The following LYPD6B variants were observed in gnomAD, a reference collection of about 807,000 sequenced individuals.
LYPD6B encodes ly6/PLAUR domain-containing protein 6B.
Under a neutral mutation model 22.8 loss-of-function variants are expected in LYPD6B, and 17 were observed. That is an observed-to-expected ratio of 0.75 (90% confidence interval 0.51 to 1.12). The LOEUF is 1.12. Among genes scored for constraint, LYPD6B ranks in the 50% most tolerant of loss-of-function variants. The pLI, the probability that LYPD6B is intolerant of heterozygous loss-of-function variation, is 0.00. For synonymous variants in LYPD6B, 106 were observed against 91.6 expected (o/e 1.16, Z -0.90); for missense variants, 221 against 258.3 (o/e 0.86, Z 0.99).
chr2:149,055,805 G>T (rs115158091), intron 1 of LYPD6B, among the ~76,000 whole-genome samples: 2,249 of 152,286 alleles, frequency 0.015, 49 homozygotes, highest in African/African-American at 0.052. Flanking sequence ...ACAAGATCAT[G>T]TCATCTCCAA....
At chr2:149,202,654 G>T (rs1693242727) in intron 3 of LYPD6B, among the ~76,000 whole-genome samples, 1 of 152,150 alleles carries the variant, frequency 6.6e-6, no homozygotes, top group Admixed American at 6.5e-5. Flanking sequence ...TTGCATTAGA[G>T]TCAAGACCTT....
intron 3 of LYPD6B, among the ~76,000 whole-genome samples, chr2:149,185,659 G>A (rs559718069): frequency 7.9e-5 from 12 of 152,238 alleles, no homozygotes; most frequent in Admixed American, 2.6e-4. Flanking sequence ...TTGTTTTATT[G>A]CATTTGGCTT....
intron 1 of LYPD6B, among the ~76,000 whole-genome samples, chr2:149,040,065 CTG>C (rs1179155364): frequency 1.3e-5 from 2 of 152,086 alleles, no homozygotes; most frequent in African/African-American, 2.4e-5. Flanking sequence ...GTTTTTCTCT[CTG>C]TGTTTACTGG....
chr2:149,074,066 G>A (rs959668518), intron 1 of LYPD6B, among the ~76,000 whole-genome samples: 3 of 152,148 alleles, frequency 2.0e-5, no homozygotes, highest in South Asian at 4.1e-4. Context: ...CAAATGCAAC[G>A]AGTGCTTTCA....
chr2:149,116,539 T>C (rs2105565013), intron 1 of LYPD6B, among the ~76,000 whole-genome samples: 1 of 152,360 alleles, frequency 6.6e-6, no homozygotes, highest in South Asian at 2.1e-4. Context: ...TGCCATTTTC[T>C]GACACCTATT....
Position 149,215,035 on chromosome 2 carries a change from C to T in LYPD6B, c.*325C>T, listed in dbSNP as rs115029530. On this transcript the variant is annotated 3_prime_UTR_variant, in exon 7 of 7. Transcript: ENST00000409642. The stretch of plus-strand genomic sequence containing the variant: ...CCTTTAGCTGAAAGGATTTCTTGAC[C>T]TCCTTGACTGCCTCAGAGGCTGCCA... 1,307 of 295,194 alleles carry T rather than the reference C, an allele frequency of 4.4e-3. 8 individuals carry two copies. The highest frequency in any genetic ancestry group is 6.6e-3 in the Non-Finnish European group (1,024 of 155,634). The allele number at this position is 295,194 out of a possible 1,614,324, so 18.3% of individuals were successfully genotyped here.
intron 1 of LYPD6B, among the ~76,000 whole-genome samples, chr2:149,110,673 A>G (rs986939322): frequency 1.3e-5 from 2 of 152,214 alleles, no homozygotes; most frequent in Non-Finnish European, 2.9e-5. Flanking sequence ...TAATGTAAAA[A>G]TATACATAGA....
At chr2:149,172,975 T>A (rs1690949064) in intron 3 of LYPD6B, among the ~76,000 whole-genome samples, 1 of 92,242 alleles carries the variant, frequency 1.1e-5, no homozygotes, top group South Asian at 5.3e-4. Flanking sequence ...TACCTTTTAA[T>A]AAGCATATAT....
chr2:149,067,754 T>A (rs1395868685), intron 1 of LYPD6B, among the ~76,000 whole-genome samples: 2 of 152,152 alleles, frequency 1.3e-5, no homozygotes, highest in African/African-American at 4.8e-5. Context: ...TAATCATTAA[T>A]GTCTCAAATA....
intron 3 of LYPD6B, among the ~76,000 whole-genome samples, chr2:149,169,797 C>T (rs1690696745): frequency 6.6e-6 from 1 of 152,108 alleles, no homozygotes; most frequent in Non-Finnish European, 1.5e-5. Context: ...TTGTTCTGTT[C>T]CCTGCCAGCC....
At position 149,191,623 on chromosome 2, in the gene LYPD6B, AATGAAATAGTAAATT is replaced by A. The variant is rs1365763586; in HGVS notation, c.78-13628_78-13614del. ...CACTATTAGGACTAGTCATTCTCCA[AATGAAATAGTAAATT>A]ACCTACTCCAACTCATACTATATAA... On this transcript the variant is annotated intron_variant, in intron 3 of 6. Coordinates refer to ENST00000409642, the MANE Select transcript of LYPD6B (RefSeq NM_177964.5). Among the ~76,000 whole-genome samples, 9 of 152,310 alleles carry A rather than the reference AATGAAATAGTAAATT, an allele frequency of 5.9e-5. No individual in the cohort carries two copies. In the South Asian group the frequency reaches 1.2e-3, roughly 21 times the overall value.
chr2:149,104,851 T>G (rs1282257430), intron 1 of LYPD6B, among the ~76,000 whole-genome samples: 1 of 152,226 alleles, frequency 6.6e-6, no homozygotes, highest in Non-Finnish European at 1.5e-5. Flanking sequence ...GGTTTTACTT[T>G]TGTGTCTATG....
intron 1 of LYPD6B, chr2:149,119,232 A>G (rs1321647013): frequency 1.3e-5 from 2 of 152,262 alleles, no homozygotes; most frequent in Admixed American, 1.3e-4. Context: ...GGGAATGGCA[A>G]TATTTCAAGT....
At chr2:149,094,649 A>T (rs1685819525) in intron 1 of LYPD6B, among the ~76,000 whole-genome samples, 1 of 152,232 alleles carries the variant, frequency 6.6e-6, no homozygotes, top group African/African-American at 2.4e-5. Flanking sequence ...AATAAACAAA[A>T]ATAGATTTTA....
intron 1 of LYPD6B, among the ~76,000 whole-genome samples, chr2:149,127,472 C>T (rs947205949): frequency 6.6e-6 from 1 of 152,166 alleles, no homozygotes; most frequent in Non-Finnish European, 1.5e-5. Flanking sequence ...ATGGGAGGGT[C>T]CCAGCGCTCA....
intron 2 of LYPD6B, among the ~76,000 whole-genome samples, chr2:149,140,400 T>C (rs1425331608): frequency 6.6e-6 from 1 of 152,102 alleles, no homozygotes; most frequent in Non-Finnish European, 1.5e-5. Context: ...CTTCCTTCTG[T>C]CCCCATGATT....
chr2:149,065,086 G>GT (rs935626811), intron 1 of LYPD6B, among the ~76,000 whole-genome samples: 7 of 152,208 alleles, frequency 4.6e-5, no homozygotes, highest in African/African-American at 1.7e-4. Flanking sequence ...TGCCTGAACT[G>GT]TTTTGAAGTT....
At chr2:149,144,709 G>A (rs4667351) in intron 2 of LYPD6B, among the ~76,000 whole-genome samples, 76,190 of 151,590 alleles carry the variant, frequency 0.5, 19,711 homozygotes, top group South Asian at 0.68. Flanking sequence ...GTAGTATTTT[G>A]TAAGTAAGGA....
chr2:149,139,222 G>A (rs1688542950), intron 2 of LYPD6B, among the ~76,000 whole-genome samples: 1 of 152,160 alleles, frequency 6.6e-6, no homozygotes, highest in Non-Finnish European at 1.5e-5. Flanking sequence ...CCTGGAAGGG[G>A]AGAGCATGGC....
Sources: allele counts gnomAD v4.1 joint callset (sites outside exome capture counted in the v4.1 genomes callset), GRCh38; gene constraint gnomAD v4.1.1; transcripts MANE v1.5; gene names NCBI Gene and HGNC (gene_info 2026-07-23, HGNC 2026-07-21).